GFRA2: variants seen among roughly 807,000 people sequenced by gnomAD.
GFRA2 encodes the protein GDNF family receptor alpha-2.
GFRA2 carries 17 observed loss-of-function variants against 48.3 expected under a neutral mutation model. The ratio of observed to expected loss-of-function variants is 0.35; its 90% CI spans 0.24 to 0.53. The LOEUF is 0.53. GFRA2 is among the 20% of genes least tolerant of loss of function. The pLI, the probability that GFRA2 is intolerant of heterozygous loss-of-function variation, is 0.93. For missense variants in GFRA2, 660 were observed against 637.3 expected, an observed-to-expected ratio of 1.04 and a Z score of -0.38; for synonymous variants, 305 against 257.2, an observed-to-expected ratio of 1.19 and a Z score of -1.78.
At chr8:21,789,661 G>C (rs920286803), upstream of GFRA2, among the ~76,000 whole-genome samples, 11 of 152,062 alleles carry the variant, frequency 7.2e-5, 1 homozygote, top group South Asian at 1.2e-3. Flanking sequence ...AGCCCCGCGC[G>C]CACATACACG....
At position 21,750,018 on chromosome 8, in the gene GFRA2, C is replaced by T. The variant is rs1182932938; in HGVS notation, c.794+570G>A. Among the ~76,000 whole-genome samples, 1 of 151,882 alleles carries T rather than the reference C, an allele frequency of 6.6e-6. No individual in the cohort carries two copies. Among genetic ancestry groups the T allele is most frequent in the Non-Finnish European group, 1.5e-5 (1 of 67,998 alleles). On this transcript the variant is annotated intron_variant, in intron 4 of 8. Transcript: ENST00000524240. This position sits in a 1 kb window ranked among gnomAD's most constrained non-coding sequence, Gnocchi z 5.7. ...GTTTTGGGGGGTATGCATGGTTATA[C>T]TGAGCTGAAATTTAGCTCTATATAA... is the stretch of plus-strand genomic sequence containing the variant.
chr8:21,762,517 C>T (rs555190496), intron 3 of GFRA2, among the ~76,000 whole-genome samples: 2 of 152,206 alleles, frequency 1.3e-5, no homozygotes, highest in South Asian at 4.1e-4. Context: ...ACCCAGCAGT[C>T]TCCAGGTGAA....
intron 4 of GFRA2, among the ~76,000 whole-genome samples, chr8:21,725,798 G>A (rs1048645107): frequency 3.3e-5 from 5 of 152,172 alleles, no homozygotes; most frequent in African/African-American, 7.2e-5. Flanking sequence ...CCCAAGGCCC[G>A]CCGGTCCTCT....
At chr8:21,705,852 T>C (rs370967186) in intron 5 of GFRA2, 80 bp downstream of exon 5, 3 of 916,274 alleles carry the variant, frequency 3.3e-6, no homozygotes. Flanking sequence ...CAGCTGGCCC[T>C]GAGCTGGGCT....
At chr8:21,729,948 C>T (rs184070711) in intron 4 of GFRA2, among the ~76,000 whole-genome samples, 163 of 152,200 alleles carry the variant, frequency 1.1e-3, no homozygotes, top group African/African-American at 3.3e-3. Context: ...ACCCAGCAAG[C>T]CTGGAATTAG....
In GFRA2 at chr8:21,750,258, C is replaced by G. The variant is rs191128876; in HGVS notation, c.794+330G>C. Among the ~76,000 whole-genome samples the G allele has an allele frequency of 1.6e-4, 25 of 152,284 alleles. No individual in the cohort carries two copies. The highest frequency in any genetic ancestry group is 5.8e-4 in the African/African-American group (24 of 41,552). ...CACCCAAAGGTCTCTCATTCCAAGACTCAAGGAGTCTGTGGTTTTAAATTA... is the reference window on the plus strand; with the variant it reads ...CACCCAAAGGTCTCTCATTCCAAGAGTCAAGGAGTCTGTGGTTTTAAATTA... On this transcript the variant is annotated intron_variant, in intron 4 of 8. Coordinates refer to ENST00000524240, the MANE Select transcript of GFRA2 (RefSeq NM_001495.5). This position sits in a 1 kb window ranked among gnomAD's most constrained non-coding sequence, Gnocchi z 5.7.
At position 21,757,606 on chromosome 8, in the gene GFRA2, G is replaced by A. The variant is rs1202566510; in HGVS notation, c.440-6664C>T. On this transcript the variant is annotated intron_variant, in intron 3 of 8. Transcript: ENST00000524240. ...CCTCCCAGGTTCAGGCGATTCTCCTGCCTCAGCCTCCTCAGAGTAGCTGGG... is the reference window on the plus strand; with the variant it reads ...CCTCCCAGGTTCAGGCGATTCTCCTACCTCAGCCTCCTCAGAGTAGCTGGG... Among the ~76,000 whole-genome samples, 31 of 151,200 alleles carry A rather than the reference G, an allele frequency of 2.1e-4. 1 individual carries two copies. The highest frequency in any genetic ancestry group is 2.0e-3 in the Admixed American group (31 of 15,212).
intron 3 of GFRA2, among the ~76,000 whole-genome samples, chr8:21,771,222 C>T (rs1312719315): frequency 2.0e-5 from 3 of 152,196 alleles, no homozygotes; most frequent in Non-Finnish European, 2.9e-5. Context: ...CCTAAAAAGC[C>T]GAGTCAGGAT....
rs1291650950 is a variant in GFRA2, at chr8:21,782,830, G to A, written c.110C>T (p.Pro37Leu). ...QGPELHGWRPPVDCVRANELC... is the reference protein window; with the variant it reads ...QGPELHGWRPLVDCVRANELC... ...CTCATTGGCCCGGACACAGTCCACT[G>A]GGGGGCGCCAGCCGTGGAGCTCGGG... Residue 37 changes from proline to leucine, a missense_variant, in exon 2 of 9, where the codon CCA becomes CTA. By Grantham distance (98) the Pro-to-Leu change is moderately conservative. Transcript: ENST00000524240. The A allele has an allele frequency of 7.0e-6, 11 of 1,572,206 alleles. No homozygotes were observed. The highest frequency in any genetic ancestry group is 1.7e-4 in the Middle Eastern group (1 of 6,024).
At chr8:21,711,034 G>A (rs1245927649) in intron 4 of GFRA2, among the ~76,000 whole-genome samples, 1 of 152,142 alleles carries the variant, frequency 6.6e-6, no homozygotes, top group East Asian at 1.9e-4. Context: ...TGAAGCCCTG[G>A]ACACTGTCCC....
chr8:21,708,672 G>C (rs1802868177), intron 4 of GFRA2, among the ~76,000 whole-genome samples: 1 of 152,148 alleles, frequency 6.6e-6, no homozygotes, highest in Non-Finnish European at 1.5e-5. Flanking sequence ...GAAGAGATAG[G>C]CACACAGGAA....
chr8:21,722,425 C>CTCTTTT (rs1803644564), intron 4 of GFRA2, among the ~76,000 whole-genome samples: 1 of 152,240 alleles, frequency 6.6e-6, no homozygotes, highest in Admixed American at 6.5e-5. Flanking sequence ...CTGAACTCAG[C>CTCTTTT]TCTTTTTCTT....
chr8:21,778,476 C>G (rs1806818144), intron 2 of GFRA2, among the ~76,000 whole-genome samples: 1 of 152,196 alleles, frequency 6.6e-6, no homozygotes, highest in Non-Finnish European at 1.5e-5. Flanking sequence ...GAAAGGTCTC[C>G]CGACCTGTCT....
At chr8:21,771,063 T>C (rs1027300178) in intron 3 of GFRA2, among the ~76,000 whole-genome samples, 2 of 152,186 alleles carry the variant, frequency 1.3e-5, no homozygotes, top group Non-Finnish European at 2.9e-5. Flanking sequence ...GATGACCCAC[T>C]GCGCCAAGGC....
intron 2 of GFRA2, among the ~76,000 whole-genome samples, chr8:21,780,326 C>A (rs1806918332): frequency 6.6e-6 from 1 of 152,124 alleles, no homozygotes. Context: ...AGAGCCTCAG[C>A]CTCAGCTTAC....
intron 4 of GFRA2, among the ~76,000 whole-genome samples, chr8:21,717,571 C>T (rs1041112542): frequency 6.6e-6 from 1 of 152,164 alleles, no homozygotes; most frequent in African/African-American, 2.4e-5. Context: ...AACTAGGCCT[C>T]AGGAATCCAG....
At chr8:21,752,499 G>A (rs957337711) in intron 3 of GFRA2, among the ~76,000 whole-genome samples, 9 of 151,934 alleles carry the variant, frequency 5.9e-5, no homozygotes, top group African/African-American at 1.7e-4. Context: ...TGCTGGTCCC[G>A]TCTTCCATAC....
intron 2 of GFRA2, 53 bp from the exon 3 acceptor site, chr8:21,775,108 C>T (rs1255004974): frequency 1.4e-5 from 12 of 880,714 alleles, no homozygotes; most frequent in East Asian, 2.4e-5. Flanking sequence ...AGAGCGCTGC[C>T]GGCACTTAGC....
chr8:21,766,857 CCT>C lies in GFRA2; in HGVS notation c.439+8113_439+8114del, dbSNP rs201672879. ...TCATGCACATCACACCTATGCACAC[CCT>C]GTCCCACACACACCCGCACACGTAC... On this transcript the variant is annotated intron_variant, in intron 3 of 8. Coordinates refer to ENST00000524240, the MANE Select transcript of GFRA2 (RefSeq NM_001495.5). Among the ~76,000 whole-genome samples, 367 of 143,344 alleles carry C rather than the reference CCT, an allele frequency of 2.6e-3. 3 individuals carry two copies. Among genetic ancestry groups the C allele is most frequent in the African/African-American group, 9.1e-3 (335 of 36,838 alleles). 94.0% of individuals were successfully genotyped at this position (143,344 alleles called of 152,430 possible).
Sources: gnomAD v4.1 joint callset for allele counts (sites outside exome capture counted in the v4.1 genomes callset) on GRCh38, gnomAD v4.1.1 for gene constraint, Gnocchi (gnomAD v3.1) non-coding constraint, MANE v1.5 for transcripts, NCBI Gene and HGNC (gene_info 2026-07-23, HGNC 2026-07-21) for gene names.